KMO: variants seen among roughly 807,000 people sequenced by gnomAD.
The protein encoded by KMO is kynurenine 3-monooxygenase.
In KMO, 24 loss-of-function variants were observed where a neutral mutation model predicts 57.8. The observed-to-expected ratio is 0.42, with a 90% confidence interval of 0.30 to 0.58. KMO has a LOEUF of 0.58. Ranked by LOEUF, KMO falls within the 20% of genes least tolerant of loss-of-function variation. The pLI, the probability that KMO is intolerant of heterozygous loss-of-function variation, is 0.22. For missense variants in KMO, 483 were observed against 588.2 expected (o/e 0.82, Z 1.85); for synonymous variants, 210 against 193.6 (o/e 1.08, Z -0.70).
Position 241,594,403 on chromosome 1 carries a change from C to T in KMO, c.*2250C>T. On this transcript the variant is annotated 3_prime_UTR_variant, in exon 15 of 15. Transcript: ENST00000366559. The stretch of plus-strand genomic sequence containing the variant: ...AAAAGTGGCATCCAATTTAAGGCCC[C>T]ATCTTTCGTTGCCATTCTTCATTCC... 6.2e-7 allele frequency: 1 copy of T among 1,602,222 alleles called. No individual in the cohort carries two copies.
intron 10 of KMO, among the ~76,000 whole-genome samples, chr1:241,571,433 G>C (rs1662274429): frequency 6.6e-6 from 1 of 152,068 alleles, no homozygotes; most frequent in Non-Finnish European, 1.5e-5. Context: ...GTCATATACA[G>C]CTTTTATCAT....
chr1:241,593,956 T>C lies in KMO; in HGVS notation c.*1803T>C, dbSNP rs1421177315. ...AACAAGAGGATTTTCTTTTTCATTC[T>C]AGAATTATCTCCTTGATAACTTGAT... On this transcript the variant is annotated 3_prime_UTR_variant, in exon 15 of 15. Coordinates refer to ENST00000366559, the MANE Select transcript of KMO (RefSeq NM_003679.5). The C allele has an allele frequency of 6.5e-6, 1 of 154,902 alleles. No homozygotes were observed. Among genetic ancestry groups the C allele is most frequent in the Non-Finnish European group, 1.4e-5 (1 of 69,794 alleles). 9.6% of individuals were successfully genotyped at this position (154,902 alleles called of 1,614,324 possible).
chr1:241,593,774 G>A lies in KMO; in HGVS notation c.*1621G>A, dbSNP rs1312360031. 6.4e-6 allele frequency: 1 copy of A among 155,154 alleles called. No individual in the cohort carries two copies. Among genetic ancestry groups the A allele is most frequent in the African/African-American group, 2.4e-5 (1 of 41,576 alleles). 9.6% of individuals were successfully genotyped at this position (155,154 alleles called of 1,614,324 possible). A position where few individuals can be genotyped will look rare whatever the true frequency, so the allele number is the denominator to read the frequency against. On this transcript the variant is annotated 3_prime_UTR_variant, in exon 15 of 15. Coordinates refer to ENST00000366559, the MANE Select transcript of KMO (RefSeq NM_003679.5). ...AGAAACAACAAAACAAAGAAAAAGA[G>A]CTTTGAGTCTGTAGGGGCAGCAATT...
intron 1 of KMO, among the ~76,000 whole-genome samples, chr1:241,533,295 C>T (rs1371321352): frequency 6.6e-6 from 1 of 152,184 alleles, no homozygotes; most frequent in African/African-American, 2.4e-5. Context: ...CACCTTTGGT[C>T]AAATCATTTG....
chr1:241,579,074 G>T (rs1330313297), intron 10 of KMO, among the ~76,000 whole-genome samples: 1 of 152,086 alleles, frequency 6.6e-6, no homozygotes. Context: ...AATTCAAGAT[G>T]AGATTTGGGT....
chr1:241,566,867 G>A (rs1014901449), intron 9 of KMO, among the ~76,000 whole-genome samples: 2 of 152,132 alleles, frequency 1.3e-5, no homozygotes, highest in Admixed American at 1.3e-4. Context: ...TCTTATGCAG[G>A]CTCCTCAGGC....
chr1:241,562,405 G>A (rs1661882811), intron 7 of KMO, 73 bp downstream of exon 7: 5 of 1,438,980 alleles, frequency 3.5e-6, no homozygotes, highest in Non-Finnish European at 4.8e-6. Flanking sequence ...TTCTAGTGCA[G>A]TGGTTCTCAG....
At chr1:241,537,469 A>G (rs1660791381) in intron 1 of KMO, among the ~76,000 whole-genome samples, 1 of 152,144 alleles carries the variant, frequency 6.6e-6, no homozygotes, top group Non-Finnish European at 1.5e-5. Flanking sequence ...CTTTATTGTT[A>G]TTATTTTATC....
In KMO at chr1:241,562,197, T is replaced by C; in HGVS notation, c.480T>C (p.Cys160=). 6.2e-7 allele frequency: 1 copy of C among 1,614,164 alleles called. No individual in the cohort carries two copies. The highest frequency in any genetic ancestry group is 8.5e-7 in the Non-Finnish European group (1 of 1,179,994). ...ACAAAGTTCCCAAAGATGTCACTTG[T>C]GACCTCATTGTAGGATGTGATGGAG... The part of the protein sequence containing the change: ...GSDKVPKDVT[C]DLIVGCDGAY... The change falls in exon 7 of 15, where the codon TGT becomes TGC. Residue 160 remains cysteine, a synonymous_variant. Transcript: ENST00000366559.
chr1:241,532,644 T>A (rs3765803), intron 1 of KMO, 146 bp downstream of exon 1: 12,104 of 581,518 alleles, frequency 0.021, 206 homozygotes, highest in South Asian at 0.054. Flanking sequence ...GTTTATTTTT[T>A]TAATATTTTT....
At chr1:241,540,102 A>C (rs1660907555) in intron 1 of KMO, among the ~76,000 whole-genome samples, 1 of 152,182 alleles carries the variant, frequency 6.6e-6, no homozygotes, top group Non-Finnish European at 1.5e-5. Context: ...TACCATTTTG[A>C]AAAGAAATAT....
chr1:241,532,566 A>G, intron 1 of KMO, 68 bp downstream of exon 1: 1 of 1,142,126 alleles, frequency 8.8e-7, no homozygotes, highest in Non-Finnish European at 1.3e-6. Context: ...CGTAATGATT[A>G]TTATTCGTCA....
At chr1:241,547,306 A>C (rs560303961) in intron 1 of KMO, among the ~76,000 whole-genome samples, 1 of 152,326 alleles carries the variant, frequency 6.6e-6, no homozygotes, top group East Asian at 1.9e-4. Flanking sequence ...TAAAATAAAC[A>C]GCTTCTCATA....
At chr1:241,552,827 T>C (rs1188198491) in intron 4 of KMO, among the ~76,000 whole-genome samples, 2 of 152,212 alleles carry the variant, frequency 1.3e-5, no homozygotes, top group Non-Finnish European at 2.9e-5. Flanking sequence ...TTCTCCAATG[T>C]GATGTCCAGA....
At chr1:241,573,348 C>G (rs1308040341) in intron 10 of KMO, among the ~76,000 whole-genome samples, 1 of 152,048 alleles carries the variant, frequency 6.6e-6, no homozygotes, top group African/African-American at 2.4e-5. Flanking sequence ...AATTCTTTGC[C>G]TAGGCCAATG....
intron 1 of KMO, 118 bp from the exon 2 acceptor site, chr1:241,548,711 T>C (rs1661249070): frequency 3.6e-6 from 2 of 554,818 alleles, no homozygotes; most frequent in African/African-American, 1.9e-5. Flanking sequence ...TGGTAAAATA[T>C]GACCACACAC....
rs1018366504 is a variant in KMO, at chr1:241,539,706, C to T, written c.54+7208C>T. ...TCCGCAGCTCACTTCAGACTCTCTT[C>T]TTTCCCTCTTTGTTTTCTCATTCCC... On this transcript the variant is annotated intron_variant, in intron 1 of 14. Transcript: ENST00000366559. 4.6e-5 allele frequency among the ~76,000 whole-genome samples: 7 copies of T among 152,200 alleles called. 1 individual carries two copies. Among genetic ancestry groups the T allele is most frequent in the Admixed American group, 4.6e-4 (7 of 15,278 alleles).
chr1:241,562,350 T>C lies in KMO; in HGVS notation c.615+18T>C, dbSNP rs2147961170. On this transcript the variant is annotated intron_variant, in intron 7 of 14. Coordinates refer to ENST00000366559, the MANE Select transcript of KMO (RefSeq NM_003679.5). Reference sequence around the variant, plus strand: ...ACGGAGATGTAAGTCCTTGCCCTTTTTCAACCCCTTCCCACAACCCTTGCT... The same window carrying C: ...ACGGAGATGTAAGTCCTTGCCCTTTCTCAACCCCTTCCCACAACCCTTGCT... The C allele has an allele frequency of 6.2e-7, 1 of 1,612,746 alleles. No homozygotes were observed. Among genetic ancestry groups the C allele is most frequent in the Non-Finnish European group, 8.5e-7 (1 of 1,178,990 alleles).
intron 7 of KMO, among the ~76,000 whole-genome samples, chr1:241,562,629 C>T (rs1661891856): frequency 6.6e-6 from 1 of 152,072 alleles, no homozygotes; most frequent in South Asian, 2.1e-4. Flanking sequence ...CGCTTGAACC[C>T]AAGATATCAA....
Sources: gnomAD v4.1 joint callset for allele counts (sites outside exome capture counted in the v4.1 genomes callset) on GRCh38, gnomAD v4.1.1 for gene constraint, MANE v1.5 for transcripts, NCBI Gene and HGNC (gene_info 2026-07-23, HGNC 2026-07-21) for gene names.